Variants in MBOAT2 observed in about 807,000 individuals in gnomAD.
MBOAT2 encodes the protein membrane-bound glycerophospholipid O-acyltransferase 2.
Under a neutral mutation model 63.4 loss-of-function variants are expected in MBOAT2, and 28 were observed. The observed-to-expected ratio is 0.44, with a 90% confidence interval of 0.33 to 0.61. MBOAT2 has a LOEUF of 0.61. MBOAT2 is among the 20% of genes least tolerant of loss of function. The probability of loss-of-function intolerance (pLI) is 0.03; values close to 1 mark genes in which losing one functional copy is unlikely to be tolerated. For synonymous variants in MBOAT2, 211 were observed against 215.6 expected (o/e 0.98, Z 0.19); for missense variants, 470 against 605.8 (o/e 0.78, Z 2.35).
chr2:8,978,357 T>A (rs939557298), intron 1 of MBOAT2, among the ~76,000 whole-genome samples: 6 of 152,108 alleles, frequency 3.9e-5, no homozygotes, highest in Admixed American at 6.6e-5. Flanking sequence ...TAAAGAAGCA[T>A]CCCCAATCAC....
At chr2:8,886,909 A>G (rs942469355) in intron 5 of MBOAT2, among the ~76,000 whole-genome samples, 1 of 152,218 alleles carries the variant, frequency 6.6e-6, no homozygotes, top group African/African-American at 2.4e-5. Context: ...AAGTTTTATT[A>G]TAACTACAGT....
At chr2:8,937,586 G>A (rs191145436) in intron 3 of MBOAT2, among the ~76,000 whole-genome samples, 1 of 152,278 alleles carries the variant, frequency 6.6e-6, no homozygotes, top group East Asian at 1.9e-4. Flanking sequence ...AGCAAGACTC[G>A]CTAGGGATGT....
At chr2:8,972,378 T>C (rs531571113) in intron 1 of MBOAT2, among the ~76,000 whole-genome samples, 1 of 152,296 alleles carries the variant, frequency 6.6e-6, no homozygotes, top group East Asian at 1.9e-4. Context: ...CAAGATGGAT[T>C]AAAGACTTAA....
chr2:8,997,965 A>G (rs1000532601), intron 1 of MBOAT2, among the ~76,000 whole-genome samples: 4 of 152,078 alleles, frequency 2.6e-5, no homozygotes, highest in Non-Finnish European at 5.9e-5. Context: ...GGCAGTTTCA[A>G]CTCTCTTTAC....
At chr2:8,944,658 C>G (rs1301674362) in intron 2 of MBOAT2, among the ~76,000 whole-genome samples, 1 of 143,218 alleles carries the variant, frequency 7.0e-6, no homozygotes, top group East Asian at 1.9e-4. Context: ...GACACACACA[C>G]ACACACACAC....
intron 6 of MBOAT2, among the ~76,000 whole-genome samples, chr2:8,878,254 G>C (rs1662842689): frequency 6.6e-6 from 1 of 152,166 alleles, no homozygotes; most frequent in Non-Finnish European, 1.5e-5. Context: ...AAAATGGGTA[G>C]TTAACACAGG....
chr2:8,986,380 A>G (rs956627347), intron 1 of MBOAT2, among the ~76,000 whole-genome samples: 5 of 152,028 alleles, frequency 3.3e-5, no homozygotes, highest in Admixed American at 1.3e-4. Flanking sequence ...CCTGGGCAAC[A>G]TAGTGAAATC....
chr2:8,929,078 T>C (rs986837191), intron 3 of MBOAT2, among the ~76,000 whole-genome samples: 2 of 152,140 alleles, frequency 1.3e-5, no homozygotes, highest in African/African-American at 4.8e-5. Flanking sequence ...TTTCTACTTA[T>C]GTCAGCAGAC....
At chr2:8,964,954 T>C (rs1669882340) in intron 1 of MBOAT2, among the ~76,000 whole-genome samples, 1 of 152,198 alleles carries the variant, frequency 6.6e-6, no homozygotes, top group Non-Finnish European at 1.5e-5. Flanking sequence ...AAGAATTCTT[T>C]ATATATCTGA....
At position 8,902,581 on chromosome 2, in the gene MBOAT2, A is replaced by G. The variant is rs113264983; in HGVS notation, c.395+6040T>C. Among the ~76,000 whole-genome samples the G allele has an allele frequency of 1.3e-3, 196 of 151,520 alleles. 1 individual carries two copies. Among genetic ancestry groups the G allele is most frequent in the African/African-American group, 4.5e-3 (186 of 41,252 alleles). On this transcript the variant is annotated intron_variant, in intron 4 of 12. Coordinates refer to ENST00000305997, the MANE Select transcript of MBOAT2 (RefSeq NM_138799.4). ...CAGCTCTTAAAGGCGGTGCGTCTGGAGTTGTTCATTCCTCCCGGTGGGTTC... is the reference window on the plus strand; with the variant it reads ...CAGCTCTTAAAGGCGGTGCGTCTGGGGTTGTTCATTCCTCCCGGTGGGTTC...
At chr2:8,904,738 C>T (rs1239817002) in intron 4 of MBOAT2, among the ~76,000 whole-genome samples, 1 of 152,118 alleles carries the variant, frequency 6.6e-6, no homozygotes, top group East Asian at 1.9e-4. Context: ...TATTACTACA[C>T]ATTTCATGGT....
chr2:8,879,333 T>C (rs1326879600), intron 6 of MBOAT2, among the ~76,000 whole-genome samples: 2 of 152,190 alleles, frequency 1.3e-5, no homozygotes, highest in Admixed American at 6.5e-5. Context: ...AAACTATGTA[T>C]CACCGTTAGC....
chr2:8,921,995 C>T (rs1666604504), intron 3 of MBOAT2, among the ~76,000 whole-genome samples: 1 of 152,138 alleles, frequency 6.6e-6, no homozygotes, highest in Non-Finnish European at 1.5e-5. Context: ...TTTTGGAACT[C>T]GCGTTAAACG....
intron 4 of MBOAT2, among the ~76,000 whole-genome samples, chr2:8,893,341 G>A (rs935485070): frequency 6.6e-6 from 1 of 152,206 alleles, no homozygotes; most frequent in African/African-American, 2.4e-5. Context: ...TGGCACAAGA[G>A]GCCCTAGACA....
chr2:8,903,975 T>A (rs767560849), intron 4 of MBOAT2, among the ~76,000 whole-genome samples: 36 of 152,170 alleles, frequency 2.4e-4, no homozygotes, highest in Non-Finnish European at 2.6e-4. Flanking sequence ...CTTTTTTTTT[T>A]ATTTTACTTT....
Position 8,958,558 on chromosome 2 carries a change from A to C in MBOAT2, c.160T>G (p.Phe54Val). The C allele has an allele frequency of 6.2e-7, 1 of 1,611,832 alleles. No homozygotes were observed. The highest frequency in any genetic ancestry group is 1.1e-5 in the South Asian group (1 of 90,248). ...TYLHSSKTSS[F>V]IRHVVATLLG... ...AGGGTAGCAACTACATGTCTTATAAAAGAGCTAGTTTTGCTTGAATGTAGA... is the reference window on the plus strand; with the variant it reads ...AGGGTAGCAACTACATGTCTTATAACAGAGCTAGTTTTGCTTGAATGTAGA... Residue 54 changes from phenylalanine to valine, a missense_variant, in exon 2 of 13, where the codon TTT (phenylalanine) becomes GTT (valine). Transcript: ENST00000305997.
intron 1 of MBOAT2, among the ~76,000 whole-genome samples, chr2:8,982,531 C>T (rs547908227): frequency 6.6e-6 from 1 of 152,174 alleles, no homozygotes; most frequent in African/African-American, 2.4e-5. Context: ...AAACAGTCAG[C>T]TCTAGACAAC....
At chr2:8,941,840 G>A (rs1479988087) in intron 3 of MBOAT2, among the ~76,000 whole-genome samples, 1 of 152,104 alleles carries the variant, frequency 6.6e-6, no homozygotes, top group African/African-American at 2.4e-5. Flanking sequence ...ATTTCCCATT[G>A]CTAAACATGA....
intron 1 of MBOAT2, among the ~76,000 whole-genome samples, chr2:8,997,830 T>G (rs1672414415): frequency 1.3e-5 from 2 of 152,306 alleles, no homozygotes; most frequent in Non-Finnish European, 1.5e-5. Flanking sequence ...AATCATGCCA[T>G]TTCCACTACA....
Sources: allele counts gnomAD v4.1 joint callset (sites outside exome capture counted in the v4.1 genomes callset), GRCh38; gene constraint gnomAD v4.1.1; transcripts MANE v1.5; gene names NCBI Gene and HGNC (gene_info 2026-07-23, HGNC 2026-07-21).